Variants in SKAP1 observed in about 807,000 individuals in gnomAD.
SKAP1 encodes the protein src kinase associated phosphoprotein 1.
SKAP1 carries 44 observed loss-of-function variants against 58.5 expected under a neutral mutation model. The observed-to-expected ratio is 0.75, with a 90% CI of 0.59 to 0.97. SKAP1 has a LOEUF of 0.97. Among genes scored for constraint, SKAP1 ranks in the 50% least tolerant of loss-of-function variants. The probability of loss-of-function intolerance (pLI) is 0.00; values close to 1 mark genes in which losing one functional copy is unlikely to be tolerated. For synonymous variants in SKAP1, 127 were observed against 149.7 expected (o/e 0.85, Z 1.11); for missense variants, 390 against 435.2 (o/e 0.90, Z 0.92).
chr17:48,346,548 C>T (rs190126383), intron 3 of SKAP1, among the ~76,000 whole-genome samples: 47 of 151,864 alleles, frequency 3.1e-4, no homozygotes, highest in Admixed American at 2.4e-3. Flanking sequence ...CGCTTGAACC[C>T]GGGGGGTAGA....
intron 1 of SKAP1, among the ~76,000 whole-genome samples, chr17:48,415,501 A>G (rs569070484): frequency 5.2e-4 from 79 of 152,112 alleles, no homozygotes; most frequent in African/African-American, 1.9e-3. Flanking sequence ...TTCTGCCATC[A>G]TCCCTCGTCC....
intron 4 of SKAP1, among the ~76,000 whole-genome samples, chr17:48,203,455 T>C (rs1393334452): frequency 6.6e-6 from 1 of 152,228 alleles, no homozygotes; most frequent in Non-Finnish European, 1.5e-5. Context: ...AAAATGTATT[T>C]CTGACAAAAG....
At chr17:48,135,018 G>T (rs2063682189) in intron 12 of SKAP1, among the ~76,000 whole-genome samples, 1 of 152,114 alleles carries the variant, frequency 6.6e-6, no homozygotes, top group African/African-American at 2.4e-5. Flanking sequence ...GATTTGTTTA[G>T]ATTTGACAGA....
At chr17:48,217,406 G>A (rs999711401) in intron 4 of SKAP1, among the ~76,000 whole-genome samples, 2 of 152,138 alleles carry the variant, frequency 1.3e-5, no homozygotes, top group African/African-American at 4.8e-5. Context: ...AAAAACTGCA[G>A]GAGACCGAGA....
intron 4 of SKAP1, among the ~76,000 whole-genome samples, chr17:48,243,905 A>G (rs890524196): frequency 6.6e-6 from 1 of 152,232 alleles, no homozygotes; most frequent in Non-Finnish European, 1.5e-5. Flanking sequence ...TTTTGAACTA[A>G]GCAGATATGG....
intron 4 of SKAP1, among the ~76,000 whole-genome samples, chr17:48,241,005 C>A (rs540696789): frequency 2.6e-5 from 4 of 152,294 alleles, no homozygotes; most frequent in Admixed American, 6.5e-5. Flanking sequence ...GCTCTATCCT[C>A]TTTTTATAAA....
At chr17:48,403,149 A>C (rs1387698313) in intron 1 of SKAP1, among the ~76,000 whole-genome samples, 2 of 150,710 alleles carry the variant, frequency 1.3e-5, no homozygotes, top group African/African-American at 4.9e-5. Flanking sequence ...GAACTGCTTG[A>C]GCCCAGGAGT....
intron 4 of SKAP1, among the ~76,000 whole-genome samples, chr17:48,243,273 T>C (rs950566608): frequency 5.3e-5 from 8 of 152,150 alleles, no homozygotes; most frequent in Non-Finnish European, 7.4e-5. Flanking sequence ...ATTCCCTGAC[T>C]TCCCCTAGTA....
chr17:48,370,105 AC>A (rs1453713197), intron 2 of SKAP1, among the ~76,000 whole-genome samples: 3 of 152,152 alleles, frequency 2.0e-5, no homozygotes, highest in Non-Finnish European at 2.9e-5. Flanking sequence ...CTAGGTTGCC[AC>A]CCCAAATTCA....
intron 4 of SKAP1, among the ~76,000 whole-genome samples, chr17:48,219,688 T>C (rs940679089): frequency 2.6e-5 from 4 of 152,210 alleles, no homozygotes; most frequent in Non-Finnish European, 5.9e-5. Context: ...TAGCATTATA[T>C]AGTCATAAAG....
chr17:48,274,156 A>G (rs2065669109), intron 4 of SKAP1, among the ~76,000 whole-genome samples: 1 of 152,180 alleles, frequency 6.6e-6, no homozygotes, highest in Non-Finnish European at 1.5e-5. Flanking sequence ...CAGGAGGCCG[A>G]GGTGAGCAGA....
At chr17:48,275,332 T>C (rs1436903915) in intron 4 of SKAP1, among the ~76,000 whole-genome samples, 2 of 152,218 alleles carry the variant, frequency 1.3e-5, no homozygotes, top group African/African-American at 4.8e-5. Flanking sequence ...CTTGAAATTA[T>C]TTCCTCCCTG....
intron 9 of SKAP1, 66 bp from the exon 10 acceptor site, chr17:48,170,725 T>G: frequency 7.3e-7 from 1 of 1,378,576 alleles, no homozygotes; most frequent in Non-Finnish European, 1.0e-6. Context: ...TTTTTTTTTT[T>G]TCGAGATAGA....
chr17:48,367,403 AAG>A (rs1326887738), intron 2 of SKAP1, among the ~76,000 whole-genome samples: 1 of 151,796 alleles, frequency 6.6e-6, no homozygotes, highest in African/African-American at 2.4e-5. Flanking sequence ...GAAATTTGGT[AAG>A]AGAGTAGATT....
chr17:48,415,154 G>A (rs756130911), intron 1 of SKAP1, among the ~76,000 whole-genome samples: 3 of 152,054 alleles, frequency 2.0e-5, no homozygotes, highest in African/African-American at 4.8e-5. Flanking sequence ...CAACTCCACC[G>A]ACCAAATACC....
chr17:48,209,291 T>C (rs2064844266), intron 4 of SKAP1, among the ~76,000 whole-genome samples: 1 of 152,242 alleles, frequency 6.6e-6, no homozygotes, highest in African/African-American at 2.4e-5. Context: ...TAAAATTTTT[T>C]AGAGCACTGT....
chr17:48,382,193 A>C (rs2067223361), intron 2 of SKAP1, among the ~76,000 whole-genome samples: 1 of 152,056 alleles, frequency 6.6e-6, no homozygotes, highest in Non-Finnish European at 1.5e-5. Flanking sequence ...AAAAAAAAAA[A>C]AAACCCACAT....
Position 48,420,454 on chromosome 17 carries a change from A to C in SKAP1, c.46+9621T>G, listed in dbSNP as rs186548366. On this transcript the variant is annotated intron_variant, in intron 1 of 12. Coordinates refer to ENST00000336915, the MANE Select transcript of SKAP1 (RefSeq NM_003726.4). ...ATACAGATAGTTAAACTGCCTTTTC[A>C]TGTGGCAGGGAAAAAAATATATGTA... is the stretch of plus-strand genomic sequence containing the variant. Among the ~76,000 whole-genome samples the C allele has an allele frequency of 4.3e-3, 662 of 152,274 alleles. 5 individuals are homozygous for C. Among genetic ancestry groups the C allele is most frequent in the African/African-American group, 0.015 (637 of 41,556 alleles).
chr17:48,205,671 A>G (rs982917839), intron 4 of SKAP1, among the ~76,000 whole-genome samples: 24 of 152,166 alleles, frequency 1.6e-4, no homozygotes, highest in African/African-American at 5.6e-4. Context: ...CAGGGGGGAG[A>G]AACAAGTCAT....
Sources: gnomAD v4.1 joint callset for allele counts (sites outside exome capture counted in the v4.1 genomes callset) on GRCh38, gnomAD v4.1.1 for gene constraint, MANE v1.5 for transcripts, NCBI Gene and HGNC (gene_info 2026-07-23, HGNC 2026-07-21) for gene names.